Variants in SENP5 observed in about 807,000 individuals in gnomAD.
The protein encoded by SENP5 is SUMO specific peptidase 5, also known as sentrin-specific protease 5.
Under a neutral mutation model 74.2 loss-of-function variants are expected in SENP5, and 21 were observed. That is an observed-to-expected ratio of 0.28 (90% CI 0.20 to 0.41). The LOEUF (loss-of-function observed/expected upper bound fraction) is 0.41. Among genes scored for constraint, SENP5 ranks in the 10% least tolerant of loss-of-function variants. SENP5 has a pLI of 1.00. For missense variants in SENP5, 717 were observed against 889.1 expected (o/e 0.81, Z 2.46); for synonymous variants, 311 against 312.7 (o/e 0.99, Z 0.06).
intron 2 of SENP5, among the ~76,000 whole-genome samples, chr3:196,897,017 A>G (rs1160770058): frequency 6.6e-6 from 1 of 152,206 alleles, no homozygotes; most frequent in African/African-American, 2.4e-5. Context: ...AAAATGTGTA[A>G]TAATTTAGAA....
At chr3:196,872,361 G>GT (rs758741336) in intron 1 of SENP5, among the ~76,000 whole-genome samples, 11 of 152,180 alleles carry the variant, frequency 7.2e-5, no homozygotes, top group Admixed American at 2.0e-4. Context: ...TTCAATGGCA[G>GT]TATCTTGTCT....
At chr3:196,891,115 A>G (rs1428267378) in intron 2 of SENP5, among the ~76,000 whole-genome samples, 4 of 152,248 alleles carry the variant, frequency 2.6e-5, no homozygotes, top group Non-Finnish European at 2.9e-5. Flanking sequence ...ATATTATTCT[A>G]TAAAAGGAAT....
At chr3:196,930,667 T>C in intron 9 of SENP5, 146 bp from the exon 10 acceptor site, 1 of 606,404 alleles carries the variant, frequency 1.6e-6, no homozygotes, top group East Asian at 2.8e-5. Context: ...GTGGAAAAAT[T>C]GCCTTACACG....
intron 5 of SENP5, among the ~76,000 whole-genome samples, chr3:196,900,958 ATGTT>A (rs1714677107): frequency 6.6e-6 from 1 of 151,702 alleles, no homozygotes; most frequent in South Asian, 2.1e-4. Flanking sequence ...TAGGGTAGGT[ATGTT>A]TGTTGATATC....
At position 196,906,306 on chromosome 3, in the gene SENP5, T is replaced by C. The variant is rs539749234; in HGVS notation, c.1884+2696T>C. On this transcript the variant is annotated intron_variant, in intron 6 of 9. Transcript: ENST00000323460. ...AGGTCAAAGACCAAATTTATTATTT[T>C]ACAGTATCATAGTGCCAGACATTAT... 9.8e-5 allele frequency among the ~76,000 whole-genome samples: 15 copies of C among 152,320 alleles called. 1 individual carries two copies. The South Asian group carries it at 2.9e-3, about 29-fold the overall frequency.
chr3:196,914,167 A>G (rs190741142), intron 6 of SENP5: 2 of 152,242 alleles, frequency 1.3e-5, no homozygotes, highest in East Asian at 3.9e-4. Flanking sequence ...GATAATAAAT[A>G]CTTTGGATTT....
chr3:196,905,054 C>A (rs1332851957), intron 6 of SENP5: 1 of 152,072 alleles, frequency 6.6e-6, no homozygotes, highest in Admixed American at 6.5e-5. Context: ...CACCTGCCAC[C>A]GTACCCGGCT....
intron 6 of SENP5, among the ~76,000 whole-genome samples, chr3:196,917,684 T>G (rs1352924323): frequency 2.6e-5 from 4 of 152,068 alleles, no homozygotes; most frequent in Non-Finnish European, 5.9e-5. Flanking sequence ...GAAAAAAACG[T>G]TTATCCTAGA....
chr3:196,875,675 C>G (rs774666430), intron 1 of SENP5, among the ~76,000 whole-genome samples: 15 of 151,934 alleles, frequency 9.9e-5, no homozygotes, highest in Non-Finnish European at 1.8e-4. Context: ...GTTTCCTGAC[C>G]CTTTTGCCAG....
Position 196,920,448 on chromosome 3 carries a change from T to C in SENP5, c.1885-2966T>C, listed in dbSNP as rs182573554. On this transcript the variant is annotated intron_variant, in intron 6 of 9. Transcript: ENST00000323460. ...TACTTCTAGGAGCTTTTTTGTATAT[T>C]CTGTGAAATTTTCATAGACACTTAT... Among the ~76,000 whole-genome samples, 144 of 152,374 alleles carry C rather than the reference T, an allele frequency of 9.5e-4. No individual in the cohort carries two copies. In the Middle Eastern group the frequency reaches 0.024, roughly 25 times the overall value.
In SENP5 at chr3:196,885,807, G is replaced by C. The variant is rs1307443116; in HGVS notation, c.626G>C (p.Gly209Ala). ...CAAGGGCCGGAGCACCACAGGAATG[G>C]GGGACCCTTGATTCCAAAAAAGTTC... Reference protein sequence around the residue: ...CCQGPEHHRNGGPLIPKKFQL... With the variant: ...CCQGPEHHRNAGPLIPKKFQL... The change falls in exon 2 of 10, where the codon GGG (glycine) becomes GCG (alanine). Residue 209 changes from glycine (G) to alanine (A), a missense_variant. By Grantham distance (60) the Gly-to-Ala change is moderately conservative (BLOSUM62 0). This residue lies in a region of SENP5 where 567 missense variants were observed against 577.4 expected (regional missense o/e 0.98). Coordinates refer to ENST00000323460, the MANE Select transcript of SENP5 (RefSeq NM_152699.5). 2 of 1,614,160 alleles carry C rather than the reference G, an allele frequency of 1.2e-6. No individual in the cohort carries two copies. Among genetic ancestry groups the C allele is most frequent in the Admixed American group, 3.3e-5 (2 of 60,020 alleles).
chr3:196,916,569 C>T (rs1239550667), intron 6 of SENP5, among the ~76,000 whole-genome samples: 1 of 150,988 alleles, frequency 6.6e-6, no homozygotes, highest in Non-Finnish European at 1.5e-5. Flanking sequence ...CTCTTGTTGC[C>T]CAGGCTGGAG....
intron 7 of SENP5, among the ~76,000 whole-genome samples, chr3:196,927,065 T>C (rs561522755): frequency 3.2e-4 from 48 of 152,190 alleles, no homozygotes; most frequent in Non-Finnish European, 4.4e-5. Context: ...TCCAGCAGGC[T>C]TCATCTTGGT....
intron 6 of SENP5, among the ~76,000 whole-genome samples, chr3:196,908,108 C>T (rs1714980569): frequency 6.6e-6 from 1 of 152,008 alleles, no homozygotes; most frequent in Admixed American, 6.6e-5. Flanking sequence ...AAGCGAGACC[C>T]CGTTTCTATA....
chr3:196,893,964 G>A (rs1170238389), intron 2 of SENP5, among the ~76,000 whole-genome samples: 6 of 151,560 alleles, frequency 4.0e-5, no homozygotes, highest in African/African-American at 1.5e-4. Flanking sequence ...CAAAGGGCTT[G>A]AAAGTCCAGA....
intron 6 of SENP5, among the ~76,000 whole-genome samples, chr3:196,916,044 G>C (rs1466047889): frequency 2.0e-5 from 3 of 152,202 alleles, no homozygotes; most frequent in African/African-American, 4.8e-5. Context: ...ATCCAGGAAG[G>C]CTGGGCACCT....
chr3:196,918,038 G>A (rs900608957), intron 6 of SENP5, among the ~76,000 whole-genome samples: 8 of 151,558 alleles, frequency 5.3e-5, no homozygotes, highest in Non-Finnish European at 8.8e-5. Flanking sequence ...GGCCGGGCAC[G>A]GTGGCTCACA....
At chr3:196,914,937 G>A (rs1480249752) in intron 6 of SENP5, among the ~76,000 whole-genome samples, 1 of 152,112 alleles carries the variant, frequency 6.6e-6, no homozygotes, top group African/African-American at 2.4e-5. Context: ...AGGAGGAAGA[G>A]CAAAATGATT....
At chr3:196,878,900 C>T (rs1297132197) in intron 1 of SENP5, among the ~76,000 whole-genome samples, 2 of 152,110 alleles carry the variant, frequency 1.3e-5, no homozygotes, top group Non-Finnish European at 2.9e-5. Context: ...CCTAAATTAC[C>T]TTTTTATAAT....
Sources: gnomAD v4.1 joint callset for allele counts (sites outside exome capture counted in the v4.1 genomes callset) on GRCh38, gnomAD v4.1.1 for gene constraint, gnomAD v4.1.1 regional missense constraint, MANE v1.5 for transcripts, NCBI Gene and HGNC (gene_info 2026-07-23, HGNC 2026-07-21) for gene names.